Variants in NCEH1 observed in about 807,000 individuals in gnomAD.
NCEH1 encodes 2-acetyl MAGE hydrolase.
Under a neutral mutation model 25.4 loss-of-function variants are expected in NCEH1, and 9 were observed. That is an observed-to-expected ratio of 0.35 (90% CI 0.21 to 0.62). NCEH1 has a LOEUF of 0.62. NCEH1 is among the 20% of genes least tolerant of loss of function. NCEH1 has a pLI of 0.72. For missense variants in NCEH1, 412 were observed against 501.1 expected (o/e 0.82, Z 1.70); for synonymous variants, 200 against 199.8 (o/e 1.00, Z -0.01).
chr3:172,661,272 T>G (rs1378054667), intron 1 of NCEH1, among the ~76,000 whole-genome samples: 1 of 152,222 alleles, frequency 6.6e-6, no homozygotes, highest in South Asian at 2.1e-4. Context: ...TTGTCAAAGA[T>G]CAGATAGTTG....
intron 2 of NCEH1, among the ~76,000 whole-genome samples, chr3:172,646,855 T>G (rs1045596460): frequency 2.0e-5 from 3 of 152,304 alleles, no homozygotes; most frequent in Middle Eastern, 3.4e-3. Context: ...AGGCAGAAAC[T>G]CCTTCTTATT....
intron 1 of NCEH1, among the ~76,000 whole-genome samples, chr3:172,679,370 A>G (rs1359111528): frequency 6.6e-6 from 1 of 152,234 alleles, no homozygotes; most frequent in Non-Finnish European, 1.5e-5. Context: ...TTTTAAGAGA[A>G]GTTACTATTT....
intron 1 of NCEH1, among the ~76,000 whole-genome samples, chr3:172,667,178 G>T (rs144138319): frequency 6.6e-6 from 1 of 152,152 alleles, no homozygotes; most frequent in Non-Finnish European, 1.5e-5. Flanking sequence ...CCAAATTTTA[G>T]TCTCAATGCG....
At chr3:172,650,956 TA>T (rs199501995) in intron 1 of NCEH1, among the ~76,000 whole-genome samples, 2,197 of 151,782 alleles carry the variant, frequency 0.014, 49 homozygotes, top group African/African-American at 0.051. Flanking sequence ...ATTGTATTGA[TA>T]AATTAGAGTT....
intron 1 of NCEH1, among the ~76,000 whole-genome samples, chr3:172,706,484 T>C (rs767739542): frequency 6.6e-6 from 1 of 151,588 alleles, no homozygotes; most frequent in African/African-American, 2.4e-5. Context: ...AATCTTTTAC[T>C]GTTCTTACAT....
At chr3:172,672,956 A>G (rs1038620627) in intron 1 of NCEH1, among the ~76,000 whole-genome samples, 1 of 152,192 alleles carries the variant, frequency 6.6e-6, no homozygotes, top group Non-Finnish European at 1.5e-5. Context: ...ATGGTCCCAC[A>G]GGACTGATGG....
intron 1 of NCEH1, among the ~76,000 whole-genome samples, chr3:172,678,753 G>C: frequency 6.6e-6 from 1 of 152,222 alleles, no homozygotes. Flanking sequence ...CTTCCTACAT[G>C]CATATATTGT....
At chr3:172,674,605 T>C (rs770478444) in intron 1 of NCEH1, among the ~76,000 whole-genome samples, 3 of 152,162 alleles carry the variant, frequency 2.0e-5, no homozygotes, top group Non-Finnish European at 4.4e-5. Context: ...ATTTTAATTA[T>C]ACATGGGATT....
At chr3:172,702,526 T>C (rs1713753834) in intron 1 of NCEH1, among the ~76,000 whole-genome samples, 1 of 152,238 alleles carries the variant, frequency 6.6e-6, no homozygotes, top group Admixed American at 6.5e-5. Context: ...AGATTAGGTA[T>C]CTGCCTTACA....
intron 3 of NCEH1, among the ~76,000 whole-genome samples, chr3:172,639,764 T>C (rs1271060892): frequency 1.3e-5 from 2 of 152,158 alleles, no homozygotes; most frequent in Non-Finnish European, 2.9e-5. Flanking sequence ...AAGAACAAAA[T>C]TTGGTGTAAA....
intron 3 of NCEH1, among the ~76,000 whole-genome samples, chr3:172,645,405 G>C (rs142657278): frequency 6.6e-6 from 1 of 152,066 alleles, no homozygotes; most frequent in Non-Finnish European, 1.5e-5. Flanking sequence ...CAAAACTAAC[G>C]GTGAAAAGGT....
At chr3:172,655,591 G>A (rs909092488) in intron 1 of NCEH1, among the ~76,000 whole-genome samples, 1 of 152,174 alleles carries the variant, frequency 6.6e-6, no homozygotes, top group Non-Finnish European at 1.5e-5. Context: ...TCTGCCCACC[G>A]CCCTGACCTA....
intron 3 of NCEH1, among the ~76,000 whole-genome samples, chr3:172,639,745 T>A (rs1367113791): frequency 6.6e-6 from 1 of 152,178 alleles, no homozygotes; most frequent in African/African-American, 2.4e-5. Flanking sequence ...TGCATGTAAC[T>A]CCCATCAGAA....
intron 1 of NCEH1, among the ~76,000 whole-genome samples, chr3:172,698,104 G>C (rs1713476766): frequency 6.6e-6 from 1 of 150,578 alleles, no homozygotes; most frequent in Admixed American, 6.7e-5. Flanking sequence ...AGCCTTCCAA[G>C]TAGCTGGGAT....
intron 1 of NCEH1, among the ~76,000 whole-genome samples, chr3:172,685,578 T>C (rs569712485): frequency 6.6e-6 from 1 of 152,264 alleles, no homozygotes; most frequent in South Asian, 2.1e-4. Flanking sequence ...GGGCAGCAGG[T>C]TTCTACTTCA....
At chr3:172,645,122 A>C (rs915378573) in intron 3 of NCEH1, among the ~76,000 whole-genome samples, 1 of 152,180 alleles carries the variant, frequency 6.6e-6, no homozygotes, top group Non-Finnish European at 1.5e-5. Context: ...GTTGCCCAGA[A>C]AAGTGGCTTA....
chr3:172,656,518 G>A (rs1717702557), intron 1 of NCEH1, among the ~76,000 whole-genome samples: 1 of 152,192 alleles, frequency 6.6e-6, no homozygotes, highest in South Asian at 2.1e-4. Context: ...TGTAATCCCA[G>A]CACTTTGGGA....
At position 172,648,047 on chromosome 3, in the gene NCEH1, A is replaced by G. The variant is rs371282790; in HGVS notation, c.206T>C (p.Phe69Ser). 1.7e-5 allele frequency: 28 copies of G among 1,614,024 alleles called. No individual in the cohort carries two copies. Among genetic ancestry groups the G allele is most frequent in the Non-Finnish European group, 2.3e-5 (27 of 1,180,030 alleles). Residue 69 changes from phenylalanine (F) to serine (S), a missense_variant, in exon 2 of 5, where the codon TTT (phenylalanine) becomes TCT (serine). By Grantham distance (155) the Phe-to-Ser change is radical. This residue lies in a region of NCEH1 where 178 missense variants were observed against 189.2 expected (regional missense o/e 0.94). Transcript: ENST00000475381. ...AGAAGACCACGCGCTTTTTTTGCCA[A>G]AAGAAACAATGATAAAATTCAGTGC... ...LLALNFIIVS[F>S]GKKSAWSSAQ... is the part of the protein sequence containing the mutation.
chr3:172,703,679 A>G (rs1713826487), intron 1 of NCEH1, among the ~76,000 whole-genome samples: 1 of 152,204 alleles, frequency 6.6e-6, no homozygotes, highest in Non-Finnish European at 1.5e-5. Flanking sequence ...CATGGTAGAA[A>G]TAGGATGTCC....
Sources: gnomAD v4.1 joint callset for allele counts (sites outside exome capture counted in the v4.1 genomes callset) on GRCh38, gnomAD v4.1.1 for gene constraint, gnomAD v4.1.1 regional missense constraint, MANE v1.5 for transcripts, NCBI Gene and HGNC (gene_info 2026-07-23, HGNC 2026-07-21) for gene names.